INPP4B: variants seen among roughly 807,000 people sequenced by gnomAD.
INPP4B encodes the protein inositol polyphosphate 4-phosphatase type II.
Under a neutral mutation model 122.5 loss-of-function variants are expected in INPP4B, and 55 were observed. The ratio of observed to expected loss-of-function variants is 0.45; its 90% CI spans 0.36 to 0.56. The LOEUF (loss-of-function observed/expected upper bound fraction) is 0.56. INPP4B is among the 20% of genes least tolerant of loss of function. The pLI, the probability that INPP4B is intolerant of heterozygous loss-of-function variation, is 0.00. For synonymous variants in INPP4B, 403 were observed against 388.7 expected (o/e 1.04, Z -0.43); for missense variants, 1,000 against 1,097.7 (o/e 0.91, Z 1.26).
At chr4:142,393,852 T>C (rs1292038429) in intron 7 of INPP4B, among the ~76,000 whole-genome samples, 1 of 152,252 alleles carries the variant, frequency 6.6e-6, no homozygotes, top group Non-Finnish European at 1.5e-5. Flanking sequence ...CTCCGTTTTC[T>C]TGTCTATAAA....
At chr4:142,102,352 A>G (rs1162463420) in intron 23 of INPP4B, among the ~76,000 whole-genome samples, 1 of 151,920 alleles carries the variant, frequency 6.6e-6, no homozygotes, top group Non-Finnish European at 1.5e-5. Context: ...TTTACAAATT[A>G]TATTTAAGGG....
chr4:142,124,680 A>T lies in INPP4B; in HGVS notation c.1801T>A (p.Ser601Thr), dbSNP rs2152759687. Residue 601 changes from serine to threonine, a missense_variant, in exon 19 of 26, where the codon TCC becomes ACC. Transcript: ENST00000262992. ...TCCTGAAGGAGCACAAATGTCAGGGACTGCTTGGCTCGGTTCACCACTTCT... is the reference window on the plus strand; with the variant it reads ...TCCTGAAGGAGCACAAATGTCAGGGTCTGCTTGGCTCGGTTCACCACTTCT... The part of the protein sequence containing the change: ...MGEVVNRAKQ[S>T]LTFVLLQELA... 6.2e-7 allele frequency: 1 copy of T among 1,613,150 alleles called. No individual in the cohort carries two copies. The highest frequency in any genetic ancestry group is 8.5e-7 in the Non-Finnish European group (1 of 1,179,448).
intron 9 of INPP4B, among the ~76,000 whole-genome samples, chr4:142,280,623 T>C (rs1353422406): frequency 2.6e-5 from 4 of 151,896 alleles, no homozygotes; most frequent in Non-Finnish European, 4.4e-5. Context: ...GTGTTAAAAT[T>C]CATAGAACTG....
chr4:142,228,126 T>TTTTTAAAA (rs1852442562), intron 12 of INPP4B, among the ~76,000 whole-genome samples: 1 of 151,956 alleles, frequency 6.6e-6, no homozygotes, highest in Non-Finnish European at 1.5e-5. Flanking sequence ...TATTTTTTTA[T>TTTTTAAAA]CACATAGTTT....
intron 3 of INPP4B, among the ~76,000 whole-genome samples, chr4:142,450,463 A>C (rs577485877): frequency 2.4e-4 from 37 of 152,340 alleles, no homozygotes; most frequent in Admixed American, 9.1e-4. Flanking sequence ...TCAATTCTAT[A>C]AAATACCATT....
chr4:142,736,266 T>C (rs905743843), intron 1 of INPP4B, among the ~76,000 whole-genome samples: 4 of 152,226 alleles, frequency 2.6e-5, no homozygotes, highest in Admixed American at 6.5e-5. Context: ...TAGGGCTTTC[T>C]TAATTCTTCC....
intron 18 of INPP4B, among the ~76,000 whole-genome samples, chr4:142,142,406 T>C (rs1808349507): frequency 6.6e-6 from 1 of 152,088 alleles, no homozygotes; most frequent in African/African-American, 2.4e-5. Context: ...AGAGTGTCTT[T>C]TGTTATAGAG....
intron 2 of INPP4B, among the ~76,000 whole-genome samples, chr4:142,689,524 GT>G (rs2150716278): frequency 6.6e-6 from 1 of 152,202 alleles, no homozygotes; most frequent in East Asian, 1.9e-4. Context: ...TTTTTGTTAG[GT>G]TTAAACCAAG....
At chr4:142,414,982 A>T (rs559054480) in intron 5 of INPP4B, among the ~76,000 whole-genome samples, 37 of 152,350 alleles carry the variant, frequency 2.4e-4, no homozygotes, top group African/African-American at 8.9e-4. Context: ...CAATATTGTG[A>T]GTCGGTTCAT....
intron 9 of INPP4B, among the ~76,000 whole-genome samples, chr4:142,293,159 C>A (rs925853286): frequency 1.3e-5 from 2 of 151,848 alleles, no homozygotes; most frequent in African/African-American, 4.8e-5. Flanking sequence ...CTGCCTCAGC[C>A]TCCCAAGTAG....
intron 2 of INPP4B, among the ~76,000 whole-genome samples, chr4:142,546,396 T>G (rs1829653306): frequency 6.6e-6 from 1 of 152,156 alleles, no homozygotes; most frequent in Non-Finnish European, 1.5e-5. Context: ...ACAATGAACA[T>G]AGCATGCATG....
chr4:142,469,135 TA>T lies in INPP4B; in HGVS notation c.-190-6410del, dbSNP rs1285324709. On this transcript the variant is annotated intron_variant, in intron 2 of 25. Transcript: ENST00000262992. ...AGCCTTCAGGTCAACAGAAAAACTG[TA>T]AAAAAAAAAAAATTCTATTAGAATT... 6.4e-3 allele frequency among the ~76,000 whole-genome samples: 906 copies of T among 141,394 alleles called. 6 individuals are homozygous for T. The highest frequency in any genetic ancestry group is 0.019 in the Middle Eastern group (5 of 268). The allele number at this position is 141,394 out of a possible 152,430, so 92.8% of individuals were successfully genotyped here. A position where few individuals can be genotyped will look rare whatever the true frequency, so the allele number is the denominator to read the frequency against.
At chr4:142,611,630 CTTTTTTCT>C (rs1168555835) in intron 2 of INPP4B, among the ~76,000 whole-genome samples, 1 of 90,738 alleles carries the variant, frequency 1.1e-5, no homozygotes, top group Non-Finnish European at 2.3e-5. Flanking sequence ...TCTGTTTTTT[CTTTTTTCT>C]TTTTTTTTTT....
chr4:142,537,429 T>TATATATATATAGAGAGAGAGAG (rs1200701380), intron 2 of INPP4B, among the ~76,000 whole-genome samples: 4 of 25,484 alleles, frequency 1.6e-4, no homozygotes, highest in Admixed American at 3.9e-4. Context: ...TATATATATA[T>TATATATATATAGAGAGAGAGAG]AGAGAGAGAG....
intron 7 of INPP4B, among the ~76,000 whole-genome samples, chr4:142,396,571 A>G (rs1202462958): frequency 6.6e-6 from 1 of 152,180 alleles, no homozygotes; most frequent in African/African-American, 2.4e-5. Flanking sequence ...TTAAACATGA[A>G]TCTGTCCTAT....
chr4:142,697,628 G>T (rs1761198908), intron 2 of INPP4B, among the ~76,000 whole-genome samples: 1 of 152,144 alleles, frequency 6.6e-6, no homozygotes, highest in Non-Finnish European at 1.5e-5. Flanking sequence ...TACTTTATAT[G>T]GCCAAAGCAT....
intron 2 of INPP4B, among the ~76,000 whole-genome samples, chr4:142,578,467 G>T (rs1408728935): frequency 6.6e-6 from 1 of 151,930 alleles, no homozygotes; most frequent in Non-Finnish European, 1.5e-5. Context: ...AAATCAAGGA[G>T]TTGGCAGGTT....
At chr4:142,309,177 T>C (rs1386937526) in intron 8 of INPP4B, among the ~76,000 whole-genome samples, 1 of 152,180 alleles carries the variant, frequency 6.6e-6, no homozygotes, top group Non-Finnish European at 1.5e-5. Context: ...ATTAAGATCA[T>C]ATAACCAGAA....
At chr4:142,316,157 A>G (rs1767573953) in intron 7 of INPP4B, among the ~76,000 whole-genome samples, 1 of 152,198 alleles carries the variant, frequency 6.6e-6, no homozygotes. Context: ...AGTCATTATA[A>G]CTCAAAATTG....
Sources: gnomAD v4.1 joint callset for allele counts (sites outside exome capture counted in the v4.1 genomes callset) on GRCh38, gnomAD v4.1.1 for gene constraint, MANE v1.5 for transcripts, NCBI Gene and HGNC (gene_info 2026-07-23, HGNC 2026-07-21) for gene names.